Variants in DNPH1 observed in about 807,000 individuals in gnomAD.
DNPH1 encodes 2'-deoxynucleoside 5'-phosphate N-hydrolase 1, also known as 5-hydroxymethyl-dUMP N-hydrolase.
Under a neutral mutation model 15.7 loss-of-function variants are expected in DNPH1, and 18 were observed. The observed-to-expected ratio is 1.15, with a 90% CI of 0.79 to 1.70. The LOEUF is 1.70. Ranked by LOEUF, DNPH1 falls within the 40% of genes most tolerant of loss-of-function variation. DNPH1 has a pLI of 0.00. For synonymous variants in DNPH1, 114 were observed against 107.9 expected (o/e 1.06, Z -0.35); for missense variants, 262 against 255.2 (o/e 1.03, Z -0.18).
chr6:43,229,124 A>T (rs780327340), intron 1 of DNPH1, 137 bp downstream of exon 1: 1 of 938,646 alleles, frequency 1.1e-6, no homozygotes, highest in Admixed American at 2.7e-5. Flanking sequence ...CGCTGGATGG[A>T]GCACCGGGGT....
chr6:43,226,625 T>A lies in DNPH1; in HGVS notation c.197-230A>T. 1 of 546,546 alleles carries A rather than the reference T, an allele frequency of 1.8e-6. No homozygotes were observed. The highest frequency in any genetic ancestry group is 2.5e-5 in the South Asian group (1 of 40,554). The allele number at this position is 546,546 out of a possible 1,614,324, so 33.9% of individuals were successfully genotyped here. A position where few individuals can be genotyped will look rare whatever the true frequency, so the allele number is the denominator to read the frequency against. On this transcript the variant is annotated intron_variant, in intron 1 of 3. Transcript: ENST00000230431. This position sits in a 1 kb window ranked among gnomAD's most constrained non-coding sequence, Gnocchi z 4.1. Reference sequence around the variant, plus strand: ...TGTGATTAGGGCCGAATGAGGAACATCAGCAGCACTAACTGTGGATGACAT... The same window carrying A: ...TGTGATTAGGGCCGAATGAGGAACAACAGCAGCACTAACTGTGGATGACAT...
Position 43,226,155 on chromosome 6 carries a change from G to A in DNPH1, c.266-12C>T. 3 of 1,612,832 alleles carry A rather than the reference G, an allele frequency of 1.9e-6. No homozygotes were observed. Among genetic ancestry groups the A allele is most frequent in the South Asian group, 1.1e-5 (1 of 91,064 alleles). On this transcript the variant is annotated splice_polypyrimidine_tract_variant and intron_variant, in intron 2 of 3. Coordinates refer to ENST00000230431, the MANE Select transcript of DNPH1 (RefSeq NM_006443.3). The surrounding 1 kb of genome is among the most constrained non-coding windows in gnomAD (Gnocchi z 4.1). Reference sequence around the variant, plus strand: ...TTCTGCCACGACCACTGGGAGGAAAGATGAGAGGAAGCCTCAGCATTGGGG... The same window carrying A: ...TTCTGCCACGACCACTGGGAGGAAAAATGAGAGGAAGCCTCAGCATTGGGG...
chr6:43,226,219 G>C lies in DNPH1; in HGVS notation c.266-76C>G, dbSNP rs1776736171. 1 of 1,601,412 alleles carries C rather than the reference G, an allele frequency of 6.2e-7. No homozygotes were observed. The highest frequency in any genetic ancestry group is 1.3e-5 in the African/African-American group (1 of 74,726). On this transcript the variant is annotated intron_variant, in intron 2 of 3. Transcript: ENST00000230431. The surrounding 1 kb of genome is among the most constrained non-coding windows in gnomAD (Gnocchi z 4.1). ...ATAAGGAAGACGACGGTGTGGCTGTGGTGAGGAGGGAACTCTGGGAGTCCC... is the reference window on the plus strand; with the variant it reads ...ATAAGGAAGACGACGGTGTGGCTGTCGTGAGGAGGGAACTCTGGGAGTCCC...
At chr6:43,228,430 C>T (rs1203458281) in intron 1 of DNPH1, among the ~76,000 whole-genome samples, 6 of 152,024 alleles carry the variant, frequency 3.9e-5, no homozygotes, top group African/African-American at 1.4e-4. Flanking sequence ...CCAGCCTGGG[C>T]GACAGAGAGG....
chr6:43,228,630 A>T (rs2150669945), intron 1 of DNPH1, among the ~76,000 whole-genome samples: 1 of 152,256 alleles, frequency 6.6e-6, no homozygotes, highest in South Asian at 2.1e-4. Context: ...GTTCGAAACC[A>T]GCCTGACCAA....
rs754105901 is a variant in DNPH1, at chr6:43,229,422, C to T, written c.35G>A (p.Ser12Asn). 1.4e-6 allele frequency: 2 copies of T among 1,409,864 alleles called. No homozygotes were observed. Among genetic ancestry groups the T allele is most frequent in the South Asian group, 3.0e-5 (2 of 66,582 alleles). 87.3% of individuals were successfully genotyped at this position (1,409,864 alleles called of 1,614,324 possible). A position where few individuals can be genotyped will look rare whatever the true frequency, so the allele number is the denominator to read the frequency against. The stretch of plus-strand genomic sequence containing the variant: ...GCGGCCAGGCTCCCCGCGCTCCCAG[C>T]TCTCGCTGCGCCCCGGCACCATGGC... The part of the protein sequence containing the change: ...AAAMVPGRSE[S>N]WERGEPGRPA... Residue 12 changes from serine (S) to asparagine (N), a missense_variant, in exon 1 of 4, where the codon AGC becomes AAC. Transcript: ENST00000230431.
rs1165841122 is a variant in DNPH1, at chr6:43,226,961, G to A, written c.197-566C>T. 4.0e-5 allele frequency among the ~76,000 whole-genome samples: 6 copies of A among 151,888 alleles called. No individual in the cohort carries two copies. Among genetic ancestry groups the A allele is most frequent in the Admixed American group, 2.6e-4 (4 of 15,226 alleles). On this transcript the variant is annotated intron_variant, in intron 1 of 3. Coordinates refer to ENST00000230431, the MANE Select transcript of DNPH1 (RefSeq NM_006443.3). This position sits in a 1 kb window ranked among gnomAD's most constrained non-coding sequence, Gnocchi z 4.1. ...ATCTTTACTAAAAATACAAAAATTA[G>A]CTGGGTGTGGTGGTGCACACCTGTA...
intron 1 of DNPH1, among the ~76,000 whole-genome samples, chr6:43,228,627 A>G: frequency 6.6e-6 from 1 of 152,092 alleles, no homozygotes; most frequent in Non-Finnish European, 1.5e-5. Context: ...GGAGTTCGAA[A>G]CCAGCCTGAC....
In DNPH1 at chr6:43,225,840, ACCGAGAG is replaced by A; in HGVS notation, c.411_417del (p.Phe140CysfsTer40). Reference sequence around the variant, plus strand: ...CCCTCCTCATAGTCCCACACCTGGAACCGAGAGCCATCTGCTGCTCCCCGGATCATGG... The same window carrying A: ...CCCTCCTCATAGTCCCACACCTGGAACCATCTGCTGCTCCCCGGATCATGG... On this transcript the variant is annotated frameshift_variant, in exon 4 of 4. Transcript: ENST00000230431. LOFTEE classifies it low-confidence loss of function (END_TRUNC). The A allele has an allele frequency of 6.2e-7, 1 of 1,614,140 alleles. No homozygotes were observed. Among genetic ancestry groups the A allele is most frequent in the Non-Finnish European group, 8.5e-7 (1 of 1,180,024 alleles).
chr6:43,226,770 GC>G lies in DNPH1; in HGVS notation c.197-376del. 4.4e-6 allele frequency: 1 copy of G among 225,538 alleles called. No individual in the cohort carries two copies. The highest frequency in any genetic ancestry group is 8.1e-5 in the South Asian group (1 of 12,398). 14.0% of individuals were successfully genotyped at this position (225,538 alleles called of 1,614,324 possible). The stretch of plus-strand genomic sequence containing the variant: ...TTATCTTCCAGGACAGTGAGGCTCA[GC>G]CCACCGCATCAGGGTAGGACCACTG... On this transcript the variant is annotated intron_variant, in intron 1 of 3. Transcript: ENST00000230431. This position sits in a 1 kb window ranked among gnomAD's most constrained non-coding sequence, Gnocchi z 4.1.
chr6:43,227,921 C>G (rs1776767033), intron 1 of DNPH1, among the ~76,000 whole-genome samples: 1 of 151,948 alleles, frequency 6.6e-6, no homozygotes, highest in Non-Finnish European at 1.5e-5. Flanking sequence ...AAAATCCCGT[C>G]CCTATAAAAA....
In DNPH1 at chr6:43,226,534, C is replaced by T; in HGVS notation, c.197-139G>A. 1.4e-6 allele frequency: 1 copy of T among 704,184 alleles called. No individual in the cohort carries two copies. Among genetic ancestry groups the T allele is most frequent in the South Asian group, 2.0e-5 (1 of 50,478 alleles). The allele number at this position is 704,184 out of a possible 1,614,324, so 43.6% of individuals were successfully genotyped here. A position where few individuals can be genotyped will look rare whatever the true frequency, so the allele number is the denominator to read the frequency against. On this transcript the variant is annotated intron_variant, in intron 1 of 3. Coordinates refer to ENST00000230431, the MANE Select transcript of DNPH1 (RefSeq NM_006443.3). This position sits in a 1 kb window ranked among gnomAD's most constrained non-coding sequence, Gnocchi z 4.1. ...ATGACCTGACCAAACATGACAATCT[C>T]ATCAAAGCAGCGAGGAAATGGAATA...
chr6:43,229,415 C>A lies in DNPH1; in HGVS notation c.42G>T (p.Glu14Asp), dbSNP rs369710271. The A allele has an allele frequency of 3.5e-6, 5 of 1,416,918 alleles. No individual in the cohort carries two copies. The South Asian group carries it at 7.4e-5, about 21-fold the overall frequency. 87.8% of individuals were successfully genotyped at this position (1,416,918 alleles called of 1,614,324 possible). ...AMVPGRSESW[E>D]RGEPGRPALY... ...GGGCCGGGCGGCCAGGCTCCCCGCG[C>A]TCCCAGCTCTCGCTGCGCCCCGGCA... is the stretch of plus-strand genomic sequence containing the variant. The change falls in exon 1 of 4, where the codon GAG becomes GAT. Residue 14 changes from glutamate to aspartate, a missense_variant. Physicochemically the swap from Glu to Asp is conservative, Grantham distance 45. Transcript: ENST00000230431.
chr6:43,228,485 G>A (rs1435833325), intron 1 of DNPH1, among the ~76,000 whole-genome samples: 1 of 150,814 alleles, frequency 6.6e-6, no homozygotes, highest in Non-Finnish European at 1.5e-5. Flanking sequence ...GTAATAGTGA[G>A]AACTGGGGTC....
intron 1 of DNPH1, among the ~76,000 whole-genome samples, chr6:43,227,595 ATCAGCAACT>A (rs1201988222): frequency 3.9e-5 from 6 of 151,956 alleles, no homozygotes; most frequent in Admixed American, 3.9e-4. Flanking sequence ...TTTCCAAACC[ATCAGCAACT>A]TTGTATTGTG....
At chr6:43,229,054 C>T (rs997461436) in intron 1 of DNPH1, 5 of 504,738 alleles carry the variant, frequency 9.9e-6, no homozygotes, top group Non-Finnish European at 1.8e-5. Context: ...GCCTTACACC[C>T]GCAGGCTTGC....
In DNPH1 at chr6:43,229,471, C is replaced by G; in HGVS notation, c.-15G>C. The stretch of plus-strand genomic sequence containing the variant: ...GCAGCAGCCATTCCCCAGCCGCCCG[C>G]GCTCTCCGGCGCCAGGGGGCGCCAG... On this transcript the variant is annotated 5_prime_UTR_variant, in exon 1 of 4. Coordinates refer to ENST00000230431, the MANE Select transcript of DNPH1 (RefSeq NM_006443.3). 1.6e-6 allele frequency: 2 copies of G among 1,284,564 alleles called. No individual in the cohort carries two copies. The highest frequency in any genetic ancestry group is 2.0e-6 in the Non-Finnish European group (2 of 1,018,370). 79.6% of individuals were successfully genotyped at this position (1,284,564 alleles called of 1,614,324 possible). A position where few individuals can be genotyped will look rare whatever the true frequency, so the allele number is the denominator to read the frequency against.
intron 1 of DNPH1, 32 bp downstream of exon 1, chr6:43,229,229 C>T (rs1776787092): frequency 1.5e-6 from 2 of 1,305,020 alleles, no homozygotes; most frequent in Non-Finnish European, 1.9e-6. Flanking sequence ...TCCGCGCCCG[C>T]GTCCCCGCGT....
Position 43,226,613 on chromosome 6 carries a change from G to C in DNPH1, c.197-218C>G. 1 of 554,732 alleles carries C rather than the reference G, an allele frequency of 1.8e-6. No homozygotes were observed. Among genetic ancestry groups the C allele is most frequent in the Non-Finnish European group, 3.2e-6 (1 of 313,730 alleles). The allele number at this position is 554,732 out of a possible 1,614,324, so 34.4% of individuals were successfully genotyped here. On this transcript the variant is annotated intron_variant, in intron 1 of 3. Transcript: ENST00000230431. This position sits in a 1 kb window ranked among gnomAD's most constrained non-coding sequence, Gnocchi z 4.1. ...CAAGGTGGGACATGTGATTAGGGCC[G>C]AATGAGGAACATCAGCAGCACTAAC...
Sources: gnomAD v4.1 joint callset for allele counts (sites outside exome capture counted in the v4.1 genomes callset) on GRCh38, gnomAD v4.1.1 for gene constraint, Gnocchi (gnomAD v3.1) non-coding constraint, MANE v1.5 for transcripts, NCBI Gene and HGNC (gene_info 2026-07-23, HGNC 2026-07-21) for gene names.